The following RGS3 variants were observed in gnomAD, a reference collection of about 807,000 sequenced individuals.
RGS3 encodes the protein regulator of G-protein signalling 3.
A neutral mutation model predicts 132.6 loss-of-function variants in RGS3; 80 were observed. That is an observed-to-expected ratio of 0.60 (90% confidence interval 0.50 to 0.73). RGS3 has a LOEUF of 0.73. RGS3 is among the 30% of genes least tolerant of loss of function. The pLI, the probability that RGS3 is intolerant of heterozygous loss-of-function variation, is 0.00. For synonymous variants in RGS3, 598 were observed against 620.6 expected, an observed-to-expected ratio of 0.96 and a Z score of 0.54; for missense variants, 1,382 against 1,530.8, an observed-to-expected ratio of 0.90 and a Z score of 1.62.
intron 10 of RGS3, 106 bp downstream of exon 8, chr9:113,498,186 C>T: frequency 1.1e-6 from 1 of 902,872 alleles, no homozygotes; most frequent in South Asian, 1.4e-5. Flanking sequence ...GCTTGAAACT[C>T]AGCAAGTCAT....
intron 1 of RGS3, among the ~76,000 whole-genome samples, chr9:113,451,837 C>A (rs1006558590): frequency 3.8e-5 from 4 of 104,368 alleles, no homozygotes; most frequent in Non-Finnish European, 8.5e-5. Context: ...CCATATGGTA[C>A]CATTTTCCCA....
Position 113,479,540 on chromosome 9 carries a change from C to CAGTGAGT in RGS3, c.466+1_466+7dup, listed in dbSNP as rs1352587139. 2.5e-6 allele frequency: 4 copies of CAGTGAGT among 1,614,192 alleles called. No homozygotes were observed. Among genetic ancestry groups the CAGTGAGT allele is most frequent in the Non-Finnish European group, 3.4e-6 (4 of 1,180,014 alleles). ...CCCAGGACCGGGTTCTGCTGCTTCA[C>CAGTGAGT]AGTGAGTACGGCTTTGTGCAGGCTC... On this transcript the variant is annotated frameshift_variant and splice_region_variant, in exon 4 of 25. Transcript: ENST00000350696. LOFTEE classifies it high-confidence loss of function.
chr9:113,533,051 T>A (rs1832538221), intron 18 of RGS3, among the ~76,000 whole-genome samples: 1 of 152,152 alleles, frequency 6.6e-6, no homozygotes, highest in South Asian at 2.1e-4. Flanking sequence ...GATCCCAGCA[T>A]GTGGTTCTCC....
Position 113,490,979 on chromosome 9 carries a change from ATTAT to A in RGS3, c.690-4805_690-4802del, listed in dbSNP as rs1343561918. On this transcript the variant is annotated intron_variant, in intron 7 of 24. Transcript: ENST00000350696. ...GGTATATATAATTATATATAACTTA[ATTAT>A]TATATATTGGTATATATAATTATAT... 3.9e-5 allele frequency among the ~76,000 whole-genome samples: 5 copies of A among 128,482 alleles called. No individual in the cohort carries two copies. In the South Asian group the frequency reaches 1.1e-3, roughly 29 times the overall value. 84.3% of individuals were successfully genotyped at this position (128,482 alleles called of 152,430 possible). A position where few individuals can be genotyped will look rare whatever the true frequency, so the allele number is the denominator to read the frequency against.
At chr9:113,595,890 C>G (rs1488840484) in intron 24 of RGS3, 125 bp downstream of exon 22, 1 of 1,037,694 alleles carries the variant, frequency 9.6e-7, no homozygotes, top group South Asian at 1.6e-5. Flanking sequence ...GCCCAGGTAC[C>G]CAGCAGGGAA....
chr9:113,455,994 G>T (rs552884779), upstream of RGS3, among the ~76,000 whole-genome samples: 1 of 152,260 alleles, frequency 6.6e-6, no homozygotes, highest in South Asian at 2.1e-4. Context: ...TGGGATGAAA[G>T]GTCAACAGGG....
In RGS3 at chr9:113,536,002, G is replaced by T. The variant is rs201588403; in HGVS notation, c.1915-794G>T. ...TGACCTTATCCCAGAAGTCCTTCCT[G>T]GCAACCAGAGCTTACCAAGGCCATT... On this transcript the variant is annotated intron_variant, in intron 18 of 24. Coordinates refer to ENST00000350696, the Ensembl canonical transcript of RGS3. 2.4e-4 allele frequency among the ~76,000 whole-genome samples: 36 copies of T among 152,262 alleles called. No homozygotes were observed. The East Asian group carries it at 7.0e-3, about 29-fold the overall frequency.
chr9:113,535,895 C>T (rs1020144147), intron 18 of RGS3, among the ~76,000 whole-genome samples: 17 of 152,156 alleles, frequency 1.1e-4, no homozygotes, highest in African/African-American at 3.4e-4. Context: ...ATCCCTACCC[C>T]GCCCCTAGCA....
chr9:113,486,659 A>T (rs1830343105), intron 7 of RGS3, among the ~76,000 whole-genome samples: 1 of 152,208 alleles, frequency 6.6e-6, no homozygotes, highest in Admixed American at 6.5e-5. Context: ...CGGAGCAATC[A>T]CATCACTGAA....
rs530324724 is a variant in RGS3 at position 113,506,263 on chromosome 9, A to G, written c.980-125A>G. 1.1e-4 allele frequency: 71 copies of G among 628,256 alleles called. No homozygotes were observed. The African/African-American group carries it at 1.2e-3, about 10-fold the overall frequency. 38.9% of individuals were successfully genotyped at this position (628,256 alleles called of 1,614,324 possible). A position where few individuals can be genotyped will look rare whatever the true frequency, so the allele number is the denominator to read the frequency against. Reference sequence around the variant, plus strand: ...CCAAGTTCAGTCCCTCATTTCACGGATGAAGAAACTTAGAGAAAAAGGGAG... The same window carrying G: ...CCAAGTTCAGTCCCTCATTTCACGGGTGAAGAAACTTAGAGAAAAAGGGAG... On this transcript the variant is annotated intron_variant, in intron 11 of 24. Coordinates refer to ENST00000350696, the Ensembl canonical transcript of RGS3. This position sits in a 1 kb window ranked among gnomAD's most constrained non-coding sequence, Gnocchi z 4.7.
intron 7 of RGS3, among the ~76,000 whole-genome samples, chr9:113,491,123 A>ATTATATATACTAATATATAATTAT (rs2119255819): frequency 7.0e-6 from 1 of 143,600 alleles, no homozygotes; most frequent in Admixed American, 7.0e-5. Flanking sequence ...GCATATAGAA[A>ATTATATATACTAATATATAATTAT]TTATATATAC....
At chr9:113,517,059 T>A (rs1021031820) in intron 15 of RGS3, among the ~76,000 whole-genome samples, 2 of 152,178 alleles carry the variant, frequency 1.3e-5, no homozygotes, top group Non-Finnish European at 2.9e-5. Context: ...AAGGAGACAG[T>A]TCAAGTGTGC....
chr9:113,526,861 G>A (rs887675990), intron 17 of RGS3, among the ~76,000 whole-genome samples: 15 of 152,166 alleles, frequency 9.9e-5, no homozygotes, highest in African/African-American at 2.4e-4. Context: ...ACCCAGATGC[G>A]TGCTGCCCTT....
chr9:113,474,262 C>G (rs1829923020), intron 3 of RGS3, among the ~76,000 whole-genome samples: 1 of 152,128 alleles, frequency 6.6e-6, no homozygotes, highest in African/African-American at 2.4e-5. Context: ...AATTTTTATG[C>G]CAGTGCTGTG....
chr9:113,521,369 A>G (rs545860808), intron 16 of RGS3, among the ~76,000 whole-genome samples: 1 of 152,354 alleles, frequency 6.6e-6, no homozygotes, highest in African/African-American at 2.4e-5. Flanking sequence ...AGTAACAGTG[A>G]TTGCAAATAT....
At position 113,484,036 on chromosome 9, in the gene RGS3, A is replaced by G. The variant is rs761782688; in HGVS notation, c.526-102A>G. The G allele has an allele frequency of 1.9e-4, 135 of 701,070 alleles. 1 individual carries two copies. The highest frequency in any genetic ancestry group is 3.1e-4 in the Non-Finnish European group (122 of 391,844). 43.4% of individuals were successfully genotyped at this position (701,070 alleles called of 1,614,324 possible). A position where few individuals can be genotyped will look rare whatever the true frequency, so the allele number is the denominator to read the frequency against. ...CTGTCCTCTGCAGAGGCTGACTTGAAGGACCCTGGGAAGCCTTTAACTTGG... is the reference window on the plus strand; with the variant it reads ...CTGTCCTCTGCAGAGGCTGACTTGAGGGACCCTGGGAAGCCTTTAACTTGG... On this transcript the variant is annotated intron_variant, in intron 5 of 24. Transcript: ENST00000350696.
At chr9:113,455,641 T>A (rs1829347927), upstream of RGS3, among the ~76,000 whole-genome samples, 1 of 152,224 alleles carries the variant, frequency 6.6e-6, no homozygotes, top group Admixed American at 6.5e-5. Flanking sequence ...TCCCTGTTTG[T>A]GTATTTAGGT....
At chr9:113,517,606 G>C in exon 16 of RGS3, 1 of 1,613,642 alleles carries the variant, frequency 6.2e-7, no homozygotes, top group South Asian at 1.1e-5. Flanking sequence ...TGTATGAAGG[G>C]AGGAACAAGG....
At chr9:113,459,170 C>A (rs763540165), upstream of RGS3, among the ~76,000 whole-genome samples, 18 of 152,182 alleles carry the variant, frequency 1.2e-4, no homozygotes, top group Admixed American at 2.0e-4. Context: ...TTCTACCTAG[C>A]GCTGACACAT....
Sources: allele counts gnomAD v4.1 joint callset (sites outside exome capture counted in the v4.1 genomes callset), GRCh38; gene constraint gnomAD v4.1.1; non-coding constraint Gnocchi (gnomAD v3.1); transcripts MANE v1.5; gene names NCBI Gene and HGNC (gene_info 2026-07-23, HGNC 2026-07-21).